The following KAZN variants were observed in gnomAD, a reference collection of about 807,000 sequenced individuals.
The protein encoded by KAZN is kazrin.
A neutral mutation model predicts 87.4 loss-of-function variants in KAZN; 40 were observed. The ratio of observed to expected loss-of-function variants is 0.46; its 90% CI spans 0.36 to 0.60. The LOEUF is 0.60. KAZN is among the 20% of genes least tolerant of loss of function. KAZN has a pLI of 0.00. For synonymous variants in KAZN, 466 were observed against 458.3 expected, an observed-to-expected ratio of 1.02 and a Z score of -0.22; for missense variants, 898 against 1,073.9, an observed-to-expected ratio of 0.84 and a Z score of 2.29.
chr1:14,571,490 G>A (rs568059546), intron 2 of KAZN, among the ~76,000 whole-genome samples: 1 of 152,280 alleles, frequency 6.6e-6, no homozygotes, highest in South Asian at 2.1e-4. Context: ...TTTTTAGGGG[G>A]TTAATCTCTC....
intron 2 of KAZN, among the ~76,000 whole-genome samples, chr1:14,519,338 T>A (rs1557773300): frequency 6.6e-6 from 1 of 152,160 alleles, no homozygotes; most frequent in East Asian, 1.9e-4. Context: ...GCCAGTTCTT[T>A]GGGCAGAATC....
intron 1 of KAZN, among the ~76,000 whole-genome samples, chr1:14,768,985 C>T (rs762557968): frequency 4.6e-5 from 7 of 152,172 alleles, no homozygotes; most frequent in Non-Finnish European, 8.8e-5. Context: ...CTACCTCTTC[C>T]CTAGAGCATT....
intron 1 of KAZN, among the ~76,000 whole-genome samples, chr1:13,928,317 T>C (rs1640363889): frequency 1.3e-5 from 2 of 152,208 alleles, no homozygotes; most frequent in African/African-American, 4.8e-5. Flanking sequence ...ATGACAGTGG[T>C]GACATTGATG....
chr1:15,019,973 C>T (rs547590372), intron 2 of KAZN, among the ~76,000 whole-genome samples: 111 of 152,288 alleles, frequency 7.3e-4, no homozygotes, highest in African/African-American at 2.5e-3. Flanking sequence ...ACACGGACAG[C>T]GTTGTCGTGG....
At chr1:13,939,283 C>A (rs1030971180) in intron 1 of KAZN, among the ~76,000 whole-genome samples, 23 of 152,294 alleles carry the variant, frequency 1.5e-4, no homozygotes, top group African/African-American at 5.3e-4. Context: ...GAGTGTAGGC[C>A]ACATTTTTAA....
chr1:14,439,306 AC>A (rs1432008292), intron 2 of KAZN, among the ~76,000 whole-genome samples: 1 of 152,144 alleles, frequency 6.6e-6, no homozygotes, highest in Non-Finnish European at 1.5e-5. Context: ...CATTCAAAAT[AC>A]CAATGCACTG....
At chr1:14,630,975 T>C (rs967919268) in intron 1 of KAZN, among the ~76,000 whole-genome samples, 8 of 152,212 alleles carry the variant, frequency 5.3e-5, no homozygotes, top group Non-Finnish European at 1.0e-4. Context: ...TCATAACTAG[T>C]ATACGTTGAT....
chr1:14,265,067 C>A (rs901993133), intron 2 of KAZN, among the ~76,000 whole-genome samples: 1 of 152,164 alleles, frequency 6.6e-6, no homozygotes, highest in Non-Finnish European at 1.5e-5. Flanking sequence ...TTATTTATAT[C>A]AATAATTTTA....
At chr1:14,889,964 G>A (rs769018900) in intron 1 of KAZN, among the ~76,000 whole-genome samples, 2 of 152,160 alleles carry the variant, frequency 1.3e-5, no homozygotes, top group Non-Finnish European at 2.9e-5. Context: ...GAAGTACCTC[G>A]TACGCTCGAG....
At chr1:14,711,239 G>A (rs541526084) in intron 1 of KAZN, among the ~76,000 whole-genome samples, 6 of 152,064 alleles carry the variant, frequency 3.9e-5, no homozygotes, top group Admixed American at 1.3e-4. Context: ...AGGCATGGCA[G>A]CATGCACCTG....
chr1:14,335,749 A>G (rs529384177), intron 2 of KAZN, among the ~76,000 whole-genome samples: 8 of 151,822 alleles, frequency 5.3e-5, no homozygotes, highest in Non-Finnish European at 7.4e-5. Context: ...ATGTGCGCGC[A>G]CACACACACA....
At chr1:14,992,807 A>C (rs1210519931) in intron 2 of KAZN, among the ~76,000 whole-genome samples, 2 of 151,324 alleles carry the variant, frequency 1.3e-5, no homozygotes, top group Admixed American at 1.3e-4. Context: ...ACACGCCCAG[A>C]TAATTTTTGT....
chr1:15,064,829 C>T (rs545149817), intron 7 of KAZN, among the ~76,000 whole-genome samples: 1 of 152,328 alleles, frequency 6.6e-6, no homozygotes, highest in East Asian at 1.9e-4. Context: ...ACCCTTCCTC[C>T]CTGTGGCCTC....
intron 1 of KAZN, among the ~76,000 whole-genome samples, chr1:14,731,801 T>C (rs1643689669): frequency 6.6e-6 from 1 of 152,158 alleles, no homozygotes; most frequent in African/African-American, 2.4e-5. Flanking sequence ...CTTAAACAAG[T>C]GCCTTAATGT....
intron 1 of KAZN, among the ~76,000 whole-genome samples, chr1:14,753,925 GTCC>G (rs1338142355): frequency 6.6e-6 from 1 of 152,216 alleles, no homozygotes; most frequent in Non-Finnish European, 1.5e-5. Context: ...TTCTTGCTGT[GTCC>G]TCCTCCTCCT....
chr1:14,129,639 C>T (rs568164606), intron 1 of KAZN, among the ~76,000 whole-genome samples: 10 of 152,282 alleles, frequency 6.6e-5, no homozygotes, highest in East Asian at 3.9e-4. Context: ...CAGTGCCACT[C>T]GTCCATATTC....
intron 13 of KAZN, among the ~76,000 whole-genome samples, chr1:15,109,799 GTA>G (rs1229680809): frequency 3.5e-5 from 5 of 142,398 alleles, no homozygotes; most frequent in East Asian, 2.3e-4. Context: ...GTGTGTATGT[GTA>G]TGTGTGTGTT....
At chr1:13,951,374 T>A (rs1449624261) in intron 1 of KAZN, among the ~76,000 whole-genome samples, 22 of 152,164 alleles carry the variant, frequency 1.4e-4, no homozygotes, top group Admixed American at 1.4e-3. Flanking sequence ...TAAGATGAGC[T>A]AGTCCACGCA....
intron 2 of KAZN, among the ~76,000 whole-genome samples, chr1:14,340,977 T>TC (rs1657674696): frequency 7.5e-6 from 1 of 133,102 alleles, no homozygotes; most frequent in African/African-American, 2.9e-5. Context: ...AACCTCTGCC[T>TC]CCCGGGTTCA....
Sources: allele counts gnomAD v4.1 joint callset (sites outside exome capture counted in the v4.1 genomes callset), GRCh38; gene constraint gnomAD v4.1.1; transcripts MANE v1.5; gene names NCBI Gene and HGNC (gene_info 2026-07-23, HGNC 2026-07-21).